The following HSD17B12 variants were observed in gnomAD, a reference collection of about 807,000 sequenced individuals.
The protein encoded by HSD17B12 is very-long-chain 3-oxoacyl-CoA reductase.
Under a neutral mutation model 39.3 loss-of-function variants are expected in HSD17B12, and 32 were observed. That is an observed-to-expected ratio of 0.81 (90% CI 0.61 to 1.09). The LOEUF (loss-of-function observed/expected upper bound fraction) is 1.09, where lower values mean the gene tolerates loss of function less well. HSD17B12 is among the 50% of genes least tolerant of loss of function. The pLI is 0.00. For missense variants in HSD17B12, 342 were observed against 382.9 expected (o/e 0.89, Z 0.89); for synonymous variants, 150 against 146.7 (o/e 1.02, Z -0.16).
intron 1 of HSD17B12, among the ~76,000 whole-genome samples, chr11:43,740,183 G>A (rs1410297215): frequency 6.6e-6 from 1 of 152,140 alleles, no homozygotes; most frequent in Non-Finnish European, 1.5e-5. Context: ...GTTTGAGAAA[G>A]ATAATTTTTA....
At chr11:43,707,109 CT>C (rs1462146054) in intron 1 of HSD17B12, among the ~76,000 whole-genome samples, 1 of 152,124 alleles carries the variant, frequency 6.6e-6, no homozygotes, top group Non-Finnish European at 1.5e-5. Context: ...CATAGTTATT[CT>C]TTTATTTAAC....
chr11:43,692,839 A>C (rs1251734205), intron 1 of HSD17B12, among the ~76,000 whole-genome samples: 1 of 125,004 alleles, frequency 8.0e-6, no homozygotes, highest in African/African-American at 3.0e-5. Flanking sequence ...TAGTAAATAC[A>C]TTGAATAGTA....
At chr11:43,661,361 A>G in the HSD17B12 span, among the ~76,000 whole-genome samples, 1 of 152,220 alleles carries the variant, frequency 6.6e-6, no homozygotes, top group Non-Finnish European at 1.5e-5. Context: ...GATTATGGAA[A>G]TGTTGTATAT....
chr11:43,682,972 T>A (rs7926358), intron 1 of HSD17B12, among the ~76,000 whole-genome samples: 135,135 of 151,616 alleles, frequency 0.89, 60,720 homozygotes, highest in East Asian at 0.97. Flanking sequence ...TTTTGTTTTT[T>A]GTAGAGACAA....
At chr11:43,769,730 G>A (rs1170815563) in intron 3 of HSD17B12, among the ~76,000 whole-genome samples, 1 of 152,178 alleles carries the variant, frequency 6.6e-6, no homozygotes, top group Non-Finnish European at 1.5e-5. Flanking sequence ...TTTCTAGAAA[G>A]CCTTTATTCA....
intron 3 of HSD17B12, among the ~76,000 whole-genome samples, chr11:43,793,398 CAAAT>C (rs1174582316): frequency 6.6e-6 from 1 of 152,034 alleles, no homozygotes; most frequent in Non-Finnish European, 1.5e-5. Context: ...AGAAAAAACA[CAAAT>C]AACACACAAG....
At chr11:43,642,657 A>AG in the HSD17B12 span, among the ~76,000 whole-genome samples, 2 of 151,860 alleles carry the variant, frequency 1.3e-5, no homozygotes, top group African/African-American at 2.4e-5. Flanking sequence ...TAAAAAAGAG[A>AG]GGGGAAAAAA....
chr11:43,676,208 G>GGTGT (rs56092553), upstream of HSD17B12, among the ~76,000 whole-genome samples: 12,898 of 147,510 alleles, frequency 0.087, 637 homozygotes, highest in South Asian at 0.19. Flanking sequence ...AGAGGAAGAG[G>GGTGT]GTGTGTGTGT....
chr11:43,816,294 T>G, intron 5 of HSD17B12, 53 bp from the exon 6 acceptor site: 1 of 1,361,822 alleles, frequency 7.3e-7, no homozygotes, highest in South Asian at 1.4e-5. Context: ...AGATATCTAA[T>G]AGGGTCACTT....
intron 3 of HSD17B12, among the ~76,000 whole-genome samples, chr11:43,785,719 T>C (rs1383897814): frequency 6.6e-6 from 1 of 152,202 alleles, no homozygotes. Context: ...TTCTTAAAAG[T>C]TAGTTGCAAT....
chr11:43,853,055 A>G (rs1288455977), intron 9 of HSD17B12: 1 of 152,176 alleles, frequency 6.6e-6, no homozygotes, highest in East Asian at 1.9e-4. Context: ...AAACCCAGAG[A>G]CGGCCGGGCG....
intron 6 of HSD17B12, among the ~76,000 whole-genome samples, chr11:43,817,708 A>G (rs1951143637): frequency 2.0e-5 from 3 of 151,884 alleles, no homozygotes; most frequent in Admixed American, 2.0e-4. Flanking sequence ...CTACGTGCCT[A>G]TTTTTATACC....
At chr11:43,809,101 G>T (rs1951045473) in intron 4 of HSD17B12, among the ~76,000 whole-genome samples, 1 of 152,146 alleles carries the variant, frequency 6.6e-6, no homozygotes, top group Non-Finnish European at 1.5e-5. Flanking sequence ...TTTGATTCTG[G>T]TCATACGTAA....
intron 4 of HSD17B12, among the ~76,000 whole-genome samples, chr11:43,802,684 A>G (rs1465536134): frequency 6.6e-6 from 1 of 152,208 alleles, no homozygotes; most frequent in African/African-American, 2.4e-5. Context: ...CTTCTTGGCT[A>G]GGGGAGGGTA....
chr11:43,695,874 G>C (rs1166555292), intron 1 of HSD17B12, among the ~76,000 whole-genome samples: 1 of 152,092 alleles, frequency 6.6e-6, no homozygotes, highest in Non-Finnish European at 1.5e-5. Flanking sequence ...AAGTTCAGGG[G>C]TGCAAGTGAA....
chr11:43,778,406 A>G (rs1485014828), intron 3 of HSD17B12, among the ~76,000 whole-genome samples: 3 of 152,240 alleles, frequency 2.0e-5, no homozygotes, highest in African/African-American at 4.8e-5. Flanking sequence ...TACCAGAGGT[A>G]TAAGGAGGAA....
chr11:43,776,111 G>A (rs1387678355), intron 3 of HSD17B12, among the ~76,000 whole-genome samples: 2 of 152,220 alleles, frequency 1.3e-5, no homozygotes, highest in East Asian at 3.9e-4. Context: ...AGTCCTTTGG[G>A]TATATACACA....
intron 1 of HSD17B12, among the ~76,000 whole-genome samples, chr11:43,688,647 A>C (rs767913146): frequency 4.6e-5 from 7 of 152,212 alleles, no homozygotes; most frequent in Non-Finnish European, 8.8e-5. Flanking sequence ...GGAAGAGAGG[A>C]AGGGCTAGAC....
the HSD17B12 span, among the ~76,000 whole-genome samples, chr11:43,592,479 A>T: frequency 6.6e-6 from 1 of 152,168 alleles, no homozygotes; most frequent in African/African-American, 2.4e-5. Context: ...TTTTTCCAAA[A>T]ATTTCACTGA....
Sources: allele counts gnomAD v4.1 joint callset (sites outside exome capture counted in the v4.1 genomes callset), GRCh38; gene constraint gnomAD v4.1.1; transcripts MANE v1.5; gene names NCBI Gene and HGNC (gene_info 2026-07-23, HGNC 2026-07-21).